Variants in AFF2 observed in about 807,000 individuals in gnomAD.
The protein encoded by AFF2 is AF4/FMR2 family member 2.
A neutral mutation model predicts 76.9 loss-of-function variants in AFF2; 14 were observed. That is an observed-to-expected ratio of 0.18 (90% CI 0.12 to 0.28). The LOEUF (loss-of-function observed/expected upper bound fraction) is 0.28, where lower values mean the gene tolerates loss of function less well. Ranked by LOEUF, AFF2 falls within the 10% of genes least tolerant of loss-of-function variation. AFF2 has a pLI of 1.00. For synonymous variants in AFF2, 398 were observed against 366.7 expected (o/e 1.09, Z -0.98); for missense variants, 868 against 1,001.1 (o/e 0.87, Z 1.79).
At chrX:148,819,088 A>G (rs1393044912) in intron 4 of AFF2, among the ~76,000 whole-genome samples, 1 of 111,026 alleles carries the variant, frequency 9.0e-6, no homozygotes, top group Admixed American at 9.7e-5. Context: ...CACTATATCA[A>G]TGCCGAGAAG....
intron 1 of AFF2, among the ~76,000 whole-genome samples, chrX:148,637,191 G>A (rs2054040602): frequency 9.0e-6 from 1 of 111,585 alleles, no homozygotes; most frequent in South Asian, 3.7e-4. Context: ...TGGTGCATTG[G>A]GTAGAAGCAT....
chrX:148,944,501 T>C (rs782518703), intron 9 of AFF2, among the ~76,000 whole-genome samples: 4 of 108,141 alleles, frequency 3.7e-5, no homozygotes, highest in Admixed American at 1.0e-4. Context: ...TTTGCTCCCA[T>C]TTTTAAAAAT....
intron 3 of AFF2, among the ~76,000 whole-genome samples, chrX:148,740,708 GGT>G (rs1697126616): frequency 9.0e-6 from 1 of 111,588 alleles, no homozygotes; most frequent in African/African-American, 3.3e-5. Context: ...GATATTTGGG[GGT>G]GTTGAAGATC....
intron 1 of AFF2, among the ~76,000 whole-genome samples, chrX:148,629,533 T>A (rs1052345301): frequency 1.8e-5 from 2 of 111,548 alleles, no homozygotes; most frequent in African/African-American, 6.5e-5. Flanking sequence ...TGGTACAGAG[T>A]TTGATGAGTG....
chrX:148,695,587 T>C (rs2054712497), intron 3 of AFF2, among the ~76,000 whole-genome samples: 1 of 112,184 alleles, frequency 8.9e-6, no homozygotes, highest in Admixed American at 9.5e-5. Context: ...GCAGAAACAG[T>C]CATTAATGTA....
rs147993255 is a variant in AFF2 at position 148,747,677 on chromosome X, A to G, written c.1042-62199A>G. ...ATCATACTAAACTGAGCTACATTAGATCAACTCGAAATCTTTTAGACTCTC... is the reference window on the plus strand; with the variant it reads ...ATCATACTAAACTGAGCTACATTAGGTCAACTCGAAATCTTTTAGACTCTC... On this transcript the variant is annotated intron_variant, in intron 3 of 20. Coordinates refer to ENST00000370460, the MANE Select transcript of AFF2 (RefSeq NM_002025.4). Among the ~76,000 whole-genome samples, 4 of 111,588 alleles carry G rather than the reference A, an allele frequency of 3.6e-5. No homozygotes were observed. In the South Asian group the frequency reaches 1.5e-3, roughly 42 times the overall value.
chrX:148,773,497 G>T (rs1444750528), intron 3 of AFF2, among the ~76,000 whole-genome samples: 1 of 109,432 alleles, frequency 9.1e-6, no homozygotes, highest in African/African-American at 3.3e-5. Flanking sequence ...TTGTGAAGAG[G>T]GTAGCCTCCT....
chrX:148,837,720 C>A lies in AFF2; in HGVS notation c.1160C>A (p.Ser387Tyr), dbSNP rs373013286. The A allele has an allele frequency of 1.5e-5, 18 of 1,186,560 alleles. No individual in the cohort carries two copies. In the East Asian group the frequency reaches 2.4e-4, roughly 16 times the overall value. The change falls in exon 5 of 21, where the codon TCC (serine) becomes TAC (tyrosine). Residue 387 changes from serine (S) to tyrosine (Y), a missense_variant. This residue lies in a region of AFF2 where 532 missense variants were observed against 564.2 expected (regional missense o/e 0.94). Coordinates refer to ENST00000370460, the MANE Select transcript of AFF2 (RefSeq NM_002025.4). Reference protein sequence around the residue: ...TAGHSEQSTFSIPGQESQHLT... With the variant: ...TAGHSEQSTFYIPGQESQHLT... ...GGACACTCTGAGCAGAGCACCTTTT[C>A]CATCCCAGGACAGGTCAGTTCTCTT...
At chrX:148,645,612 T>A (rs5980561) in intron 1 of AFF2, among the ~76,000 whole-genome samples, 5,112 of 112,237 alleles carry the variant, frequency 0.046, 304 homozygotes, top group African/African-American at 0.16. Context: ...GAGTATTTGG[T>A]ATTTGTTAGA....
intron 3 of AFF2, among the ~76,000 whole-genome samples, chrX:148,793,646 C>A (rs1346892257): frequency 9.0e-6 from 1 of 111,566 alleles, no homozygotes; most frequent in Non-Finnish European, 1.9e-5. Flanking sequence ...AGTAACAAAT[C>A]CCCTGTCATG....
intron 8 of AFF2, among the ~76,000 whole-genome samples, chrX:148,899,367 G>A (rs1391707204): frequency 3.6e-5 from 4 of 111,881 alleles, no homozygotes; most frequent in Non-Finnish European, 7.5e-5. Context: ...ATACCCTAAT[G>A]ATGAGTTCAT....
intron 3 of AFF2, among the ~76,000 whole-genome samples, chrX:148,732,611 GAA>G (rs568315858): frequency 1.3e-4 from 11 of 85,722 alleles, no homozygotes; most frequent in South Asian, 6.6e-4. Context: ...ACAAGCAGAT[GAA>G]AAAAAAAAAA....
chrX:148,692,129 T>C (rs2054659969), intron 3 of AFF2, among the ~76,000 whole-genome samples: 1 of 109,849 alleles, frequency 9.1e-6, no homozygotes, highest in East Asian at 2.8e-4. Flanking sequence ...GTAAATTGGG[T>C]TTACAATGAT....
intron 3 of AFF2, among the ~76,000 whole-genome samples, chrX:148,676,854 C>G (rs1557259531): frequency 9.0e-6 from 1 of 110,839 alleles, no homozygotes; most frequent in Admixed American, 9.6e-5. Flanking sequence ...AGACTCGGGG[C>G]TTGGTATCAC....
At chrX:148,626,227 C>T (rs973331802) in intron 1 of AFF2, among the ~76,000 whole-genome samples, 16 of 110,187 alleles carry the variant, frequency 1.5e-4, no homozygotes, top group African/African-American at 5.3e-4. Context: ...CTACCATTTA[C>T]TCTTTGTGGT....
chrX:148,742,005 C>T lies in AFF2; in HGVS notation c.1042-67871C>T, dbSNP rs558617704. ...CACTCACAGTATTTGGGGTGTCTCCCGGGTCCTGCAGGAGCAGTCTCCTTC... is the reference window on the plus strand; with the variant it reads ...CACTCACAGTATTTGGGGTGTCTCCTGGGTCCTGCAGGAGCAGTCTCCTTC... On this transcript the variant is annotated intron_variant, in intron 3 of 20. Transcript: ENST00000370460. Among the ~76,000 whole-genome samples the T allele has an allele frequency of 6.3e-5, 7 of 111,832 alleles. No homozygotes were observed. In the South Asian group the frequency reaches 1.9e-3, roughly 30 times the overall value.
chrX:148,951,370 A>G (rs926019499), intron 9 of AFF2, among the ~76,000 whole-genome samples: 15 of 111,978 alleles, frequency 1.3e-4, no homozygotes, highest in Admixed American at 1.2e-3. Context: ...TTATCTAGTA[A>G]GTGGAACTCT....
At chrX:148,831,789 T>C (rs1222506210) in intron 4 of AFF2, among the ~76,000 whole-genome samples, 2 of 112,439 alleles carry the variant, frequency 1.8e-5, no homozygotes, top group African/African-American at 6.5e-5. Flanking sequence ...GGTGCTTAGC[T>C]GCTTCATTCC....
chrX:148,536,457 G>A (rs1302630262), intron 1 of AFF2, among the ~76,000 whole-genome samples: 1 of 111,163 alleles, frequency 9.0e-6, no homozygotes, highest in Non-Finnish European at 1.9e-5. Flanking sequence ...CAATTGAAAT[G>A]ACTGCGATAT....
Sources: allele counts gnomAD v4.1 joint callset (sites outside exome capture counted in the v4.1 genomes callset), GRCh38; gene constraint gnomAD v4.1.1; regional missense constraint gnomAD v4.1.1; transcripts MANE v1.5; gene names NCBI Gene and HGNC (gene_info 2026-07-23, HGNC 2026-07-21).